PRELID2: variants seen among roughly 807,000 people sequenced by gnomAD.
PRELID2 encodes PRELI domain-containing protein 2.
In PRELID2, 25 loss-of-function variants were observed where a neutral mutation model predicts 28.4. The observed-to-expected ratio is 0.88, with a 90% CI of 0.64 to 1.23. PRELID2 has a LOEUF of 1.23. Ranked by LOEUF, PRELID2 falls within the 50% of genes most tolerant of loss-of-function variation. PRELID2 has a pLI of 0.00. For missense variants in PRELID2, 201 were observed against 214.4 expected (o/e 0.94, Z 0.39); for synonymous variants, 76 against 71.6 (o/e 1.06, Z -0.31).
chr5:145,620,037 T>C (rs1442532668), intron 1 of PRELID2, among the ~76,000 whole-genome samples: 1 of 152,188 alleles, frequency 6.6e-6, no homozygotes, highest in African/African-American at 2.4e-5. Flanking sequence ...CAGAAAATAG[T>C]TTATCATTCT....
At chr5:145,519,152 A>G (rs1752543522) in intron 1 of PRELID2, among the ~76,000 whole-genome samples, 1 of 152,190 alleles carries the variant, frequency 6.6e-6, no homozygotes, top group South Asian at 2.1e-4. Flanking sequence ...GTTTAAAGTT[A>G]TCTAGCACTA....
At chr5:145,261,410 C>T in the PRELID2 span, among the ~76,000 whole-genome samples, 16 of 152,276 alleles carry the variant, frequency 1.1e-4, no homozygotes, top group African/African-American at 3.9e-4. Flanking sequence ...CAACCAAGGA[C>T]CCTCACAGAA....
At chr5:145,519,559 G>C (rs1287059199) in intron 1 of PRELID2, among the ~76,000 whole-genome samples, 6 of 152,146 alleles carry the variant, frequency 3.9e-5, no homozygotes, top group Admixed American at 3.9e-4. Context: ...ACCTATAAAA[G>C]CCATACAGTT....
the PRELID2 span, among the ~76,000 whole-genome samples, chr5:145,356,117 T>C: frequency 6.6e-6 from 1 of 152,154 alleles, no homozygotes; most frequent in Non-Finnish European, 1.5e-5. Flanking sequence ...TTACCTTATA[T>C]TGACCTAACA....
the PRELID2 span, among the ~76,000 whole-genome samples, chr5:145,366,356 A>G: frequency 6.6e-6 from 1 of 151,880 alleles, no homozygotes; most frequent in Admixed American, 6.6e-5. Flanking sequence ...ATTATTTCCC[A>G]TGGAAGATTC....
intron 1 of PRELID2, among the ~76,000 whole-genome samples, chr5:145,533,470 G>A (rs1159624298): frequency 6.6e-6 from 1 of 152,028 alleles, no homozygotes; most frequent in Non-Finnish European, 1.5e-5. Flanking sequence ...AATCAAGGTG[G>A]AATAACTCTC....
intron 1 of PRELID2, among the ~76,000 whole-genome samples, chr5:145,709,575 C>T (rs1755633962): frequency 6.7e-6 from 1 of 150,174 alleles, no homozygotes; most frequent in Admixed American, 6.6e-5. Context: ...AGTCCTTGAT[C>T]TGTATTTAAA....
the PRELID2 span, among the ~76,000 whole-genome samples, chr5:145,414,301 G>C: frequency 6.6e-6 from 1 of 152,112 alleles, no homozygotes; most frequent in Non-Finnish European, 1.5e-5. Flanking sequence ...GTTTTCTATA[G>C]AATCTTGGTT....
chr5:145,630,211 T>A (rs985889431), intron 1 of PRELID2, among the ~76,000 whole-genome samples: 3 of 151,936 alleles, frequency 2.0e-5, no homozygotes, highest in Admixed American at 2.0e-4. Context: ...GATGAATGAG[T>A]TATTCTCTCT....
At chr5:145,244,274 C>A in the PRELID2 span, among the ~76,000 whole-genome samples, 1 of 151,888 alleles carries the variant, frequency 6.6e-6, no homozygotes, top group Non-Finnish European at 1.5e-5. Flanking sequence ...TTGTAACATG[C>A]ATTTCACTCT....
At chr5:145,562,632 T>A (rs1361761438) in intron 1 of PRELID2, among the ~76,000 whole-genome samples, 1 of 152,204 alleles carries the variant, frequency 6.6e-6, no homozygotes, top group East Asian at 1.9e-4. Flanking sequence ...AAAGATTGTC[T>A]TCATGTTCTT....
rs183061212 is a variant in PRELID2 at position 145,607,985 on chromosome 5, T to C, written n.71-134670A>G. ...GGTCTTCTTGTTGAACTGAACACTT[T>C]ACCATTATGTAATGCCCTGCTTTGT... On this transcript the variant is annotated intron_variant and non_coding_transcript_variant, in intron 1 of 2. Transcript: ENST00000510259. Among the ~76,000 whole-genome samples, 5 of 152,244 alleles carry C rather than the reference T, an allele frequency of 3.3e-5. No individual in the cohort carries two copies. The East Asian group carries it at 7.7e-4, about 24-fold the overall frequency.
chr5:145,745,577 T>G (rs1273412330), intron 1 of PRELID2, among the ~76,000 whole-genome samples: 1 of 152,062 alleles, frequency 6.6e-6, no homozygotes, highest in Non-Finnish European at 1.5e-5. Context: ...AAGAAAAGAA[T>G]TGGGCCAGGT....
At chr5:145,456,476 C>G in the PRELID2 span, among the ~76,000 whole-genome samples, 1 of 152,144 alleles carries the variant, frequency 6.6e-6, no homozygotes, top group Non-Finnish European at 1.5e-5. Flanking sequence ...AAGTCTCCAT[C>G]ATGTCCTTAG....
the PRELID2 span, among the ~76,000 whole-genome samples, chr5:145,277,789 T>C: frequency 2.0e-5 from 3 of 152,212 alleles, no homozygotes; most frequent in Non-Finnish European, 4.4e-5. Context: ...AGGCTGACTC[T>C]CCTCACTGGG....
intron 1 of PRELID2, among the ~76,000 whole-genome samples, chr5:145,481,200 T>G (rs942110774): frequency 1.3e-5 from 2 of 152,130 alleles, no homozygotes; most frequent in African/African-American, 4.8e-5. Flanking sequence ...GGGAATGTAG[T>G]GTAAATTTTT....
chr5:145,630,725 G>T (rs1171184961), intron 1 of PRELID2, among the ~76,000 whole-genome samples: 6 of 152,122 alleles, frequency 3.9e-5, no homozygotes, highest in African/African-American at 1.4e-4. Context: ...AGGCCTTGGT[G>T]GCATACCATT....
chr5:145,283,912 AT>A, the PRELID2 span, among the ~76,000 whole-genome samples: 1 of 152,096 alleles, frequency 6.6e-6, no homozygotes, highest in Admixed American at 6.6e-5. Flanking sequence ...TATATTTTGA[AT>A]TTTTGTTTGG....
chr5:145,432,546 C>A, the PRELID2 span, among the ~76,000 whole-genome samples: 1 of 151,790 alleles, frequency 6.6e-6, no homozygotes, highest in Non-Finnish European at 1.5e-5. Context: ...CTGCCATGGA[C>A]TAATTACCAT....
Sources: gnomAD v4.1 joint callset for allele counts (sites outside exome capture counted in the v4.1 genomes callset) on GRCh38, gnomAD v4.1.1 for gene constraint, MANE v1.5 for transcripts, NCBI Gene and HGNC (gene_info 2026-07-23, HGNC 2026-07-21) for gene names.